Variants in ATP1A2 observed in about 807,000 individuals in gnomAD.
ATP1A2 encodes ATPase Na+/K+ transporting subunit alpha 2, also known as sodium/potassium-transporting ATPase subunit alpha-2.
In ATP1A2, 56 loss-of-function variants were observed where a neutral mutation model predicts 113.1. The ratio of observed to expected loss-of-function variants is 0.49; its 90% CI spans 0.40 to 0.62. The LOEUF is 0.62. Ranked by LOEUF, ATP1A2 falls within the 20% of genes least tolerant of loss-of-function variation. The probability of loss-of-function intolerance (pLI) is 0.00; values close to 1 mark genes in which losing one functional copy is unlikely to be tolerated. For missense variants in ATP1A2, 712 were observed against 1,357.8 expected (o/e 0.52, Z 7.47); for synonymous variants, 490 against 526.8 (o/e 0.93, Z 0.96).
chr1:160,132,365 G>A (rs58831364), intron 13 of ATP1A2, among the ~76,000 whole-genome samples: 2,454 of 152,252 alleles, frequency 0.016, 66 homozygotes, highest in African/African-American at 0.056. Context: ...GGGGGAGGTT[G>A]AGCTTTTAGG....
At chr1:160,140,061 C>T in intron 22 of ATP1A2, 77 bp downstream of exon 22, 1 of 1,387,788 alleles carries the variant, frequency 7.2e-7, no homozygotes, top group African/African-American at 1.4e-5. Context: ...CACGCAGACT[C>T]CACTCCCACT....
chr1:160,118,261 A>T (rs532022199), intron 1 of ATP1A2, among the ~76,000 whole-genome samples: 1 of 152,090 alleles, frequency 6.6e-6, no homozygotes, highest in Non-Finnish European at 1.5e-5. Flanking sequence ...TCACATCTGA[A>T]TATACAGAAA....
intron 6 of ATP1A2, 88 bp from the exon 7 acceptor site, chr1:160,125,048 T>G: frequency 1.0e-6 from 1 of 1,002,866 alleles, no homozygotes; most frequent in Non-Finnish European, 1.6e-6. Flanking sequence ...TCATGAAGAT[T>G]GAGTGTGGTT....
chr1:160,132,869 G>T (rs56067958), intron 13 of ATP1A2, among the ~76,000 whole-genome samples: 5,344 of 152,218 alleles, frequency 0.035, 108 homozygotes, highest in Middle Eastern at 0.051. Context: ...GACAGGTCAA[G>T]TGAAGGGAGG....
chr1:160,139,013 C>T (rs12410866), intron 20 of ATP1A2, among the ~76,000 whole-genome samples: 15,373 of 152,246 alleles, frequency 0.1, 1,051 homozygotes, highest in Non-Finnish European at 0.13. Flanking sequence ...AGAAATTCAA[C>T]ATTGCCTGCA....
chr1:160,127,504 T>C, intron 7 of ATP1A2, 48 bp from the exon 8 acceptor site: 1 of 1,612,900 alleles, frequency 6.2e-7, no homozygotes, highest in Non-Finnish European at 8.5e-7. Context: ...GGGACTGCAG[T>C]CCCTGGGAGC....
chr1:160,134,416 G>C, intron 13 of ATP1A2, 68 bp from the exon 14 acceptor site: 2 of 1,610,060 alleles, frequency 1.2e-6, no homozygotes, highest in South Asian at 2.2e-5. Context: ...CTCTTACTTT[G>C]GGAGAGGAAC....
At chr1:160,134,210 CCCCT>C (rs1310112772) in intron 13 of ATP1A2, among the ~76,000 whole-genome samples, 23 of 98,420 alleles carry the variant, frequency 2.3e-4, no homozygotes, top group East Asian at 1.9e-3. Flanking sequence ...CAATCCCCAC[CCCCT>C]CACACACACA....
At chr1:160,140,467 C>T (rs1265143852) in intron 22 of ATP1A2, among the ~76,000 whole-genome samples, 1 of 152,150 alleles carries the variant, frequency 6.6e-6, no homozygotes, top group African/African-American at 2.4e-5. Flanking sequence ...GGCTTACAAA[C>T]CAAATACTGT....
chr1:160,140,844 T>TCC, intron 22 of ATP1A2: 1 of 168,572 alleles, frequency 5.9e-6, no homozygotes, highest in Non-Finnish European at 1.2e-5. Flanking sequence ...CCCTTTCACC[T>TCC]TCTTTTTTTT....
At chr1:160,132,227 A>G (rs1431258072) in intron 13 of ATP1A2, among the ~76,000 whole-genome samples, 2 of 152,024 alleles carry the variant, frequency 1.3e-5, no homozygotes, top group Non-Finnish European at 2.9e-5. Flanking sequence ...AGGGGTTGGC[A>G]GGGGAGAGGT....
chr1:160,134,705 A>G lies in ATP1A2; in HGVS notation c.1964+85A>G, dbSNP rs1167306605. On this transcript the variant is annotated intron_variant, in intron 14 of 22. Coordinates refer to ENST00000361216, the MANE Select transcript of ATP1A2 (RefSeq NM_000702.4). Reference sequence around the variant, plus strand: ...TTGGGTGTCCCCTGGGAGTATTTGGATAGCATTTCTGGGACCTTTATAGGC... The same window carrying G: ...TTGGGTGTCCCCTGGGAGTATTTGGGTAGCATTTCTGGGACCTTTATAGGC... 19 of 1,600,608 alleles carry G rather than the reference A, an allele frequency of 1.2e-5. No individual in the cohort carries two copies. The South Asian group carries it at 2.0e-4, about 17-fold the overall frequency.
intron 14 of ATP1A2, 26 bp downstream of exon 14, chr1:160,134,646 T>C (rs1651878221): frequency 1.2e-6 from 2 of 1,614,044 alleles, no homozygotes; most frequent in African/African-American, 1.3e-5. Context: ...GAAGCCCCTG[T>C]GCCCTAATCA....
intron 1 of ATP1A2, among the ~76,000 whole-genome samples, chr1:160,120,557 G>C (rs1272411646): frequency 6.6e-6 from 1 of 152,180 alleles, no homozygotes; most frequent in Non-Finnish European, 1.5e-5. Flanking sequence ...TTCCCAAATA[G>C]TGTAGGATAC....
At chr1:160,134,235 C>CCCCA (rs1553245611) in intron 13 of ATP1A2, among the ~76,000 whole-genome samples, 1 of 122,888 alleles carries the variant, frequency 8.1e-6, no homozygotes, top group African/African-American at 3.3e-5. Flanking sequence ...CAATCCCCAC[C>CCCCA]CACACACACA....
Position 160,141,291 on chromosome 1 carries a change from C to T in ATP1A2, c.3035-3C>T. On this transcript the variant is annotated splice_polypyrimidine_tract_variant and splice_region_variant and intron_variant, in intron 22 of 22. Coordinates refer to ENST00000361216, the MANE Select transcript of ATP1A2 (RefSeq NM_000702.4). ...CAATCTCCACTCCCAATCTCTCTAA[C>T]AGGCTGGGTGGAGAAGGAGACATAC... 1 of 1,614,022 alleles carries T rather than the reference C, an allele frequency of 6.2e-7. No individual in the cohort carries two copies. Among genetic ancestry groups the T allele is most frequent in the Non-Finnish European group, 8.5e-7 (1 of 1,179,936 alleles).
chr1:160,138,188 C>T (rs1652016309), intron 20 of ATP1A2, among the ~76,000 whole-genome samples: 3 of 152,152 alleles, frequency 2.0e-5, no homozygotes, highest in South Asian at 2.1e-4. Context: ...CACCTTAGGT[C>T]CCTGGGCCAC....
intron 8 of ATP1A2, among the ~76,000 whole-genome samples, chr1:160,128,114 CA>C (rs1486107809): frequency 6.6e-6 from 1 of 152,162 alleles, no homozygotes; most frequent in Non-Finnish European, 1.5e-5. Context: ...GAGGCTGTCT[CA>C]AAGGTCACCA....
Position 160,130,200 on chromosome 1 carries a change from G to A in ATP1A2, c.1560G>A (p.Val520=). ...RILDRCSTIL[V]QGKEIPLDKE... The stretch of plus-strand genomic sequence containing the variant: ...TGGACCGGTGCTCCACCATCCTGGT[G>A]CAGGGCAAGGAGATCCCGCTCGACA... Residue 520 remains valine (V), a synonymous_variant, in exon 12 of 23, where the codon GTG becomes GTA. Transcript: ENST00000361216. 3 of 1,614,234 alleles carry A rather than the reference G, an allele frequency of 1.9e-6. No individual in the cohort carries two copies. The highest frequency in any genetic ancestry group is 2.5e-6 in the Non-Finnish European group (3 of 1,180,050).
Sources: gnomAD v4.1 joint callset for allele counts (sites outside exome capture counted in the v4.1 genomes callset) on GRCh38, gnomAD v4.1.1 for gene constraint, MANE v1.5 for transcripts, NCBI Gene and HGNC (gene_info 2026-07-23, HGNC 2026-07-21) for gene names.